The following ZNF662 variants were observed in gnomAD, a reference collection of about 807,000 sequenced individuals.
The protein encoded by ZNF662 is zinc finger protein 662.
In ZNF662, 14 loss-of-function variants were observed where a neutral mutation model predicts 12.4. The ratio of observed to expected loss-of-function variants is 1.13; its 90% CI spans 0.75 to 1.77. The LOEUF (loss-of-function observed/expected upper bound fraction) is 1.77, where lower values mean the gene tolerates loss of function less well. ZNF662 is among the 40% of genes most tolerant of loss of function. The pLI is 0.00. For synonymous variants in ZNF662, 184 were observed against 176.4 expected (o/e 1.04, Z -0.34); for missense variants, 550 against 515.6 (o/e 1.07, Z -0.65).
chr3:42,910,422 C>G (rs761662478), intron 3 of ZNF662, among the ~76,000 whole-genome samples: 10 of 152,126 alleles, frequency 6.6e-5, no homozygotes, highest in African/African-American at 2.4e-4. Context: ...CATCCTGGCT[C>G]CTCTGTGTGC....
At chr3:42,907,317 G>C (rs1200231824) in intron 1 of ZNF662, among the ~76,000 whole-genome samples, 6 of 152,176 alleles carry the variant, frequency 3.9e-5, no homozygotes, top group Non-Finnish European at 8.8e-5. Context: ...AGGGAGTAAA[G>C]TCACAACGAG....
rs2088918191 is a variant in ZNF662, at chr3:42,918,556, C to T, written c.*3202C>T. Among the ~76,000 whole-genome samples the T allele has an allele frequency of 6.6e-6, 1 of 152,086 alleles. No homozygotes were observed. The highest frequency in any genetic ancestry group is 6.5e-5 in the Admixed American group (1 of 15,270). On this transcript the variant is annotated 3_prime_UTR_variant, in exon 5 of 5. Transcript: ENST00000440367. ...TCATCATGGGCATGTTTAGGCAATC[C>T]CCCTGTGCACAATGACCTGGGCAGC...
rs1200219824 is a variant in ZNF662 at position 42,915,318 on chromosome 3, C to G, written c.1245C>G (p.Pro415=). The change falls in exon 5 of 5, where the codon CCC becomes CCG. Residue 415 remains proline, a synonymous_variant. Coordinates refer to ENST00000440367, the MANE Select transcript of ZNF662 (RefSeq NM_207404.4). The part of the protein sequence containing the change: ...KHQRRHARDK[P]YNCQISHLLE... ...AGAGGCGCCATGCTAGAGACAAACC[C>G]TATAACTGTCAGATCTCTCACCTTC... is the stretch of plus-strand genomic sequence containing the variant. 32 of 1,593,810 alleles carry G rather than the reference C, an allele frequency of 2.0e-5. No homozygotes were observed. Among genetic ancestry groups the G allele is most frequent in the Non-Finnish European group, 2.7e-5 (32 of 1,171,560 alleles).
intron 2 of ZNF662, 190 bp from the exon 3 acceptor site, chr3:42,908,603 G>T: frequency 7.0e-7 from 1 of 1,438,642 alleles, no homozygotes; most frequent in South Asian, 1.5e-5. Flanking sequence ...TGAGTCGTCT[G>T]TCAACTTCCT....
intron 3 of ZNF662, chr3:42,912,087 T>A (rs952293736): frequency 1.3e-5 from 2 of 150,102 alleles, no homozygotes; most frequent in Non-Finnish European, 3.0e-5. Flanking sequence ...ATATGTTTCA[T>A]ATCTTTGGGA....
At chr3:42,909,658 C>T (rs1291244439) in intron 3 of ZNF662, among the ~76,000 whole-genome samples, 2 of 152,030 alleles carry the variant, frequency 1.3e-5, no homozygotes, top group Admixed American at 6.5e-5. Context: ...AGGTGCCCCC[C>T]CACCTCCCAG....
In ZNF662 at chr3:42,917,485, G is replaced by A. The variant is rs953014103; in HGVS notation, c.*2131G>A. Reference sequence around the variant, plus strand: ...AAGCTTCCAGGTGCTACCATATGGAGCCTAAGGATAAAGCCAATACCAAAG... The same window carrying A: ...AAGCTTCCAGGTGCTACCATATGGAACCTAAGGATAAAGCCAATACCAAAG... On this transcript the variant is annotated 3_prime_UTR_variant, in exon 5 of 5. Transcript: ENST00000440367. 5 of 701,470 alleles carry A rather than the reference G, an allele frequency of 7.1e-6. No individual in the cohort carries two copies. Among genetic ancestry groups the A allele is most frequent in the Admixed American group, 4.0e-5 (2 of 49,676 alleles). The allele number at this position is 701,470 out of a possible 1,614,324, so 43.5% of individuals were successfully genotyped here.
At chr3:42,907,009 C>T (rs1344628853) in intron 1 of ZNF662, among the ~76,000 whole-genome samples, 1 of 152,122 alleles carries the variant, frequency 6.6e-6, no homozygotes, top group South Asian at 2.1e-4. Context: ...CCTTGGAGCC[C>T]TGGAGTGCTG....
Position 42,914,998 on chromosome 3 carries a change from T to C in ZNF662, c.925T>C (p.Cys309Arg). 1.2e-6 allele frequency: 2 copies of C among 1,614,070 alleles called. No individual in the cohort carries two copies. Among genetic ancestry groups the C allele is most frequent in the Non-Finnish European group, 1.7e-6 (2 of 1,180,026 alleles). Residue 309 changes from cysteine (C) to arginine (R), a missense_variant, in exon 5 of 5, where the codon TGT (cysteine) becomes CGT (arginine). Coordinates refer to ENST00000440367, the MANE Select transcript of ZNF662 (RefSeq NM_207404.4). The part of the protein sequence containing the change: ...TGEKPYTCKE[C>R]GKSFTRNPAL... ...TGAGAAACCATACACATGTAAGGAATGTGGGAAAAGCTTTACTCGAAACCC... is the reference window on the plus strand; with the variant it reads ...TGAGAAACCATACACATGTAAGGAACGTGGGAAAAGCTTTACTCGAAACCC...
At position 42,915,262 on chromosome 3, in the gene ZNF662, T is replaced by G. The variant is rs751007194; in HGVS notation, c.1189T>G (p.Phe397Val). 9.3e-6 allele frequency: 15 copies of G among 1,613,752 alleles called. No homozygotes were observed. Among genetic ancestry groups the G allele is most frequent in the Admixed American group, 5.0e-5 (3 of 59,978 alleles). ...PYKCNDCGKA[F>V]SQNSVLIKHQ... ...TAAATGTAATGACTGTGGGAAGGCC[T>G]TCAGTCAGAATTCTGTCTTAATTAA... is the stretch of plus-strand genomic sequence containing the variant. Residue 397 changes from phenylalanine (F) to valine (V), a missense_variant, in exon 5 of 5, where the codon TTC becomes GTC. By Grantham distance (50) the Phe-to-Val change is conservative. Transcript: ENST00000440367.
At position 42,908,124 on chromosome 3, in the gene ZNF662, A is replaced by C; in HGVS notation, c.10A>C (p.Asn4His). The change falls in exon 2 of 5, where the codon AAT (asparagine) becomes CAT (histidine). Residue 4 changes from asparagine to histidine, a missense_variant. Physicochemically the swap from Asn to His is moderately conservative, Grantham distance 68. Coordinates refer to ENST00000440367, the MANE Select transcript of ZNF662 (RefSeq NM_207404.4). MLE[N>H]YGAVASLAAF... ...CCTGTACAGGGATGTGATGCTGGAG[A>C]ATTATGGGGCTGTGGCTTCCCTGGG... is the stretch of plus-strand genomic sequence containing the variant. 1 of 1,613,648 alleles carries C rather than the reference A, an allele frequency of 6.2e-7. No individual in the cohort carries two copies. The highest frequency in any genetic ancestry group is 8.5e-7 in the Non-Finnish European group (1 of 1,179,684).
Position 42,906,366 on chromosome 3 carries a change from G to A in ZNF662, c.-94+198G>A, listed in dbSNP as rs1198181997. On this transcript the variant is annotated intron_variant, in intron 1 of 4. Coordinates refer to ENST00000440367, the MANE Select transcript of ZNF662 (RefSeq NM_207404.4). The surrounding 1 kb of genome is among the most constrained non-coding windows in gnomAD (Gnocchi z 4.4). ...CGACCTGGGCTATGGCGGCCGTGGC[G>A]CTGGCGAGCGGGACACGCCTCGGCC... 2.0e-6 allele frequency: 3 copies of A among 1,527,032 alleles called. No homozygotes were observed. The highest frequency in any genetic ancestry group is 2.4e-5 in the South Asian group (2 of 83,106). 94.6% of individuals were successfully genotyped at this position (1,527,032 alleles called of 1,614,324 possible).
chr3:42,917,745 C>G lies in ZNF662; in HGVS notation c.*2391C>G, dbSNP rs1313943164. On this transcript the variant is annotated 3_prime_UTR_variant, in exon 5 of 5. Transcript: ENST00000440367. ...CAGCTCCTCAGTGTCACCTTTTCCT[C>G]TTGCTCAGTAGTCTCATAAGCTTCT... 1.7e-6 allele frequency: 1 copy of G among 600,136 alleles called. No homozygotes were observed. The highest frequency in any genetic ancestry group is 2.9e-6 in the Non-Finnish European group (1 of 340,282). 37.2% of individuals were successfully genotyped at this position (600,136 alleles called of 1,614,324 possible). A position where few individuals can be genotyped will look rare whatever the true frequency, so the allele number is the denominator to read the frequency against.
chr3:42,910,316 T>G (rs11129986), intron 3 of ZNF662, among the ~76,000 whole-genome samples: 2 of 152,172 alleles, frequency 1.3e-5, no homozygotes, highest in African/African-American at 4.8e-5. Context: ...AGTCCAGCCT[T>G]GGCTGGGCTT....
rs760247819 is a variant in ZNF662, at chr3:42,917,879, G to A, written c.*2525G>A. Among the ~76,000 whole-genome samples, 3 of 152,148 alleles carry A rather than the reference G, an allele frequency of 2.0e-5. No homozygotes were observed. Among genetic ancestry groups the A allele is most frequent in the Admixed American group, 6.5e-5 (1 of 15,274 alleles). ...CCCATCACTTTGGGAGGCCAAGGTG[G>A]GCAGATCACCTGAGATTGGGAGTTC... On this transcript the variant is annotated 3_prime_UTR_variant, in exon 5 of 5. Transcript: ENST00000440367.
chr3:42,908,830 G>A lies in ZNF662; in HGVS notation c.72G>A (p.Gln24=), dbSNP rs774884680. 6.2e-7 allele frequency: 1 copy of A among 1,614,080 alleles called. No homozygotes were observed. The highest frequency in any genetic ancestry group is 1.1e-5 in the South Asian group (1 of 91,074). Residue 24 remains glutamine (Q), a synonymous_variant, in exon 3 of 5, where the codon CAG becomes CAA. Transcript: ENST00000440367. The part of the protein sequence containing the change: ...FPFPKPALIS[Q]LERGETPWCS... ...TTCCCAAACCGGCTCTGATTTCCCA[G>A]CTGGAGCGAGGGGAAACACCCTGGT... is the stretch of plus-strand genomic sequence containing the variant.
chr3:42,910,171 C>G (rs1328460604), intron 3 of ZNF662, among the ~76,000 whole-genome samples: 1 of 152,156 alleles, frequency 6.6e-6, no homozygotes, highest in Non-Finnish European at 1.5e-5. Flanking sequence ...GCCAACACGG[C>G]CAAACCCCGT....
intron 3 of ZNF662, among the ~76,000 whole-genome samples, chr3:42,912,441 T>C (rs1220251304): frequency 1.1e-5 from 1 of 94,980 alleles, no homozygotes; most frequent in Non-Finnish European, 1.8e-5. Flanking sequence ...ATAATATTTT[T>C]GTATATTATA....
intron 3 of ZNF662, among the ~76,000 whole-genome samples, chr3:42,912,645 TATATATAA>T (rs1173108189): frequency 6.0e-5 from 5 of 83,412 alleles, no homozygotes; most frequent in African/African-American, 2.3e-4. Context: ...ATATTTTATA[TATATATAA>T]ATATATATAT....
Sources: allele counts gnomAD v4.1 joint callset (sites outside exome capture counted in the v4.1 genomes callset), GRCh38; gene constraint gnomAD v4.1.1; non-coding constraint Gnocchi (gnomAD v3.1); transcripts MANE v1.5; gene names NCBI Gene and HGNC (gene_info 2026-07-23, HGNC 2026-07-21).